Variants in SACM1L observed in about 807,000 individuals in gnomAD.
The protein encoded by SACM1L is phosphatidylinositol-3-phosphatase SAC1.
In SACM1L, 32 loss-of-function variants were observed where a neutral mutation model predicts 89.5. The ratio of observed to expected loss-of-function variants is 0.36; its 90% confidence interval spans 0.27 to 0.48. The LOEUF (loss-of-function observed/expected upper bound fraction) is 0.48, where lower values mean the gene tolerates loss of function less well. Among genes scored for constraint, SACM1L ranks in the 20% least tolerant of loss-of-function variants. The pLI, the probability that SACM1L is intolerant of heterozygous loss-of-function variation, is 0.99. For synonymous variants in SACM1L, 213 were observed against 232.8 expected, an observed-to-expected ratio of 0.92 and a Z score of 0.77; for missense variants, 543 against 708.5, an observed-to-expected ratio of 0.77 and a Z score of 2.65.
At chr3:45,714,119 T>TAAA (rs775668094) in intron 7 of SACM1L, 40 bp downstream of exon 7, 5 of 1,321,806 alleles carry the variant, frequency 3.8e-6, no homozygotes, top group Non-Finnish European at 5.2e-6. Context: ...TCTAGATGCC[T>TAAA]TTATTTAAAT....
At chr3:45,714,892 A>T (rs1698613862) in intron 7 of SACM1L, among the ~76,000 whole-genome samples, 1 of 152,252 alleles carries the variant, frequency 6.6e-6, no homozygotes, top group South Asian at 2.1e-4. Flanking sequence ...CCACATACTG[A>T]CATTTCAGTC....
At chr3:45,739,886 C>T (rs781774903) in intron 19 of SACM1L, 7 of 564,452 alleles carry the variant, frequency 1.2e-5, no homozygotes, top group Non-Finnish European at 2.2e-5. Flanking sequence ...TACTGTAAAC[C>T]AATGAGTGTC....
chr3:45,735,371 C>T lies in SACM1L; in HGVS notation c.1237C>T (p.Gln413Ter). The T allele has an allele frequency of 6.6e-7, 1 of 1,506,916 alleles. No individual in the cohort carries two copies. The highest frequency in any genetic ancestry group is 8.9e-7 in the Non-Finnish European group (1 of 1,128,496). The allele number at this position is 1,506,916 out of a possible 1,614,324, so 93.3% of individuals were successfully genotyped here. ...LARRSLQAQL[Q>*]RLGVLHVGQK... ...TCGTCGTTCACTTCAGGCCCAACTT[C>T]AGGTGCGAATGCTTTTTTTTTTTTT... The change falls in exon 14 of 20, where the codon CAG becomes TAG. Residue 413 changes from glutamine (Q) to a stop codon, truncating the protein, a stop_gained and splice_region_variant. Coordinates refer to ENST00000389061, the MANE Select transcript of SACM1L (RefSeq NM_014016.5). LOFTEE classifies it high-confidence loss of function.
chr3:45,721,588 T>C (rs759528823), intron 8 of SACM1L, among the ~76,000 whole-genome samples: 61 of 152,254 alleles, frequency 4.0e-4, no homozygotes, highest in Non-Finnish European at 7.6e-4. Flanking sequence ...TTACTAAGTA[T>C]AATTACCTAA....
intron 6 of SACM1L, chr3:45,713,779 AGTT>A (rs1169353562): frequency 3.6e-5 from 8 of 224,984 alleles, no homozygotes; most frequent in Middle Eastern, 1.5e-3. Context: ...GGAGGAGTGA[AGTT>A]GTTGTAGGCA....
chr3:45,719,330 A>G (rs1167361471), intron 7 of SACM1L, among the ~76,000 whole-genome samples, 170 bp from the exon 8 acceptor site: 2 of 152,184 alleles, frequency 1.3e-5, no homozygotes, highest in African/African-American at 4.8e-5. Flanking sequence ...TAACTTGACA[A>G]AACTTCACAG....
In SACM1L at chr3:45,736,077, C is replaced by T. The variant is rs150171626; in HGVS notation, c.1239+704C>T. Among the ~76,000 whole-genome samples, 268 of 152,176 alleles carry T rather than the reference C, an allele frequency of 1.8e-3. 1 individual carries two copies. Among genetic ancestry groups the T allele is most frequent in the African/African-American group, 5.9e-3 (246 of 41,512 alleles). ...TAGAGACAGGATTTCACCATGTTGC[C>T]CAGGTTGGTCTCAAACCCCTGGGCT... On this transcript the variant is annotated intron_variant, in intron 14 of 19. Coordinates refer to ENST00000389061, the MANE Select transcript of SACM1L (RefSeq NM_014016.5).
Position 45,708,488 on chromosome 3 carries a change from G to T in SACM1L, c.334-1010G>T, listed in dbSNP as rs12631951. Among the ~76,000 whole-genome samples the T allele has an allele frequency of 2.6e-3, 392 of 151,950 alleles. 12 individuals carry two copies. The East Asian group carries it at 0.046, about 18-fold the overall frequency. Reference sequence around the variant, plus strand: ...ATATTATTCTAAAACATATAACTTAGGATAAACATTTTAAAAAATAAAATT... The same window carrying T: ...ATATTATTCTAAAACATATAACTTATGATAAACATTTTAAAAAATAAAATT... On this transcript the variant is annotated intron_variant, in intron 4 of 19. Coordinates refer to ENST00000389061, the MANE Select transcript of SACM1L (RefSeq NM_014016.5).
Position 45,710,357 on chromosome 3 carries a change from C to T in SACM1L, c.483+710C>T, listed in dbSNP as rs964957594. On this transcript the variant is annotated intron_variant, in intron 5 of 19. Transcript: ENST00000389061. ...CTGCAATTACAGGCGTGTGCTAACA[C>T]GCTTGGCTAGTTTTTAGTAGAGATG... 2.0e-5 allele frequency among the ~76,000 whole-genome samples: 3 copies of T among 151,910 alleles called. No homozygotes were observed. The East Asian group carries it at 5.8e-4, about 29-fold the overall frequency.
rs1357849440 is a variant in SACM1L at position 45,694,605 on chromosome 3, A to G, written c.32+5108A>G. Among the ~76,000 whole-genome samples the G allele has an allele frequency of 3.3e-5, 5 of 152,178 alleles. No homozygotes were observed. In the East Asian group the frequency reaches 5.8e-4, roughly 18 times the overall value. On this transcript the variant is annotated intron_variant, in intron 1 of 19. Coordinates refer to ENST00000389061, the MANE Select transcript of SACM1L (RefSeq NM_014016.5). ...CCTAGGTTAGTGCTAGGCTACATCA[A>G]ATGACTTGGTATGCTTGTTTTAAGT...
chr3:45,732,644 A>G (rs1699101249), intron 13 of SACM1L, among the ~76,000 whole-genome samples: 1 of 152,136 alleles, frequency 6.6e-6, no homozygotes, highest in Non-Finnish European at 1.5e-5. Flanking sequence ...ATGAATCATT[A>G]TATATATTTT....
intron 13 of SACM1L, among the ~76,000 whole-genome samples, chr3:45,732,520 A>G (rs1423527242): frequency 2.0e-5 from 3 of 152,180 alleles, no homozygotes; most frequent in East Asian, 3.8e-4. Context: ...ATAGTGTTTA[A>G]TGGCTTTTCT....
chr3:45,703,327 G>T, intron 1 of SACM1L, 111 bp from the exon 2 acceptor site: 1 of 689,696 alleles, frequency 1.4e-6, no homozygotes, highest in Non-Finnish European at 2.5e-6. Context: ...CATCCTTTTA[G>T]AAGCTGGGAA....
At position 45,732,168 on chromosome 3, in the gene SACM1L, C is replaced by T; in HGVS notation, c.1100+17C>T. On this transcript the variant is annotated intron_variant, in intron 13 of 19. Transcript: ENST00000389061. ...TGAATTAAGGTAAGCTATATTATTT[C>T]CTTAAGGAGGTAGAGGGAAGAGGTA... The T allele has an allele frequency of 6.7e-7, 1 of 1,489,320 alleles. No individual in the cohort carries two copies. Among genetic ancestry groups the T allele is most frequent in the Non-Finnish European group, 9.2e-7 (1 of 1,082,898 alleles). 92.3% of individuals were successfully genotyped at this position (1,489,320 alleles called of 1,614,324 possible).
chr3:45,715,397 TAGAAAATTTC>T (rs2125693374), intron 7 of SACM1L, among the ~76,000 whole-genome samples: 1 of 152,280 alleles, frequency 6.6e-6, no homozygotes, highest in African/African-American at 2.4e-5. Context: ...AAATAAAAAT[TAGAAAATTTC>T]ATGATAAAAG....
intron 4 of SACM1L, 134 bp from the exon 5 acceptor site, chr3:45,709,364 C>G (rs964863977): frequency 1.5e-6 from 1 of 686,128 alleles, no homozygotes; most frequent in African/African-American, 1.8e-5. Flanking sequence ...GGCGAGCATC[C>G]CCCTCACTGG....
Position 45,738,659 on chromosome 3 carries a change from T to C in SACM1L, c.1464T>C (p.Asp488=), listed in dbSNP as rs748657558. The part of the protein sequence containing the change: ...MIRYYKNNFS[D]GFRQDSIDLF... ...GATATTATAAGAACAACTTTTCCGA[T>C]GGATTTAGACAAGTAAGTTTGTATT... is the stretch of plus-strand genomic sequence containing the variant. Residue 488 remains aspartate (D), a synonymous_variant, in exon 17 of 20, where the codon GAT becomes GAC. Coordinates refer to ENST00000389061, the MANE Select transcript of SACM1L (RefSeq NM_014016.5). 19 of 1,608,064 alleles carry C rather than the reference T, an allele frequency of 1.2e-5. No homozygotes were observed. Among genetic ancestry groups the C allele is most frequent in the Non-Finnish European group, 1.6e-5 (19 of 1,174,776 alleles).
At chr3:45,700,376 G>C (rs1213502400) in intron 1 of SACM1L, among the ~76,000 whole-genome samples, 1 of 152,166 alleles carries the variant, frequency 6.6e-6, no homozygotes, top group African/African-American at 2.4e-5. Context: ...TAAAGCCCAT[G>C]GACTTCACTC....
At chr3:45,699,025 G>A (rs972300879) in intron 1 of SACM1L, among the ~76,000 whole-genome samples, 3 of 152,090 alleles carry the variant, frequency 2.0e-5, no homozygotes, top group Non-Finnish European at 4.4e-5. Context: ...CACCCGCCTC[G>A]GCCTCCCAAA....
Sources: gnomAD v4.1 joint callset for allele counts (sites outside exome capture counted in the v4.1 genomes callset) on GRCh38, gnomAD v4.1.1 for gene constraint, MANE v1.5 for transcripts, NCBI Gene and HGNC (gene_info 2026-07-23, HGNC 2026-07-21) for gene names.